Variants in ZNF469 observed in about 807,000 individuals in gnomAD.
ZNF469 encodes zinc finger protein 469.
ZNF469 carries 1 observed loss-of-function variant against 1.0 expected under a neutral mutation model. The observed-to-expected ratio is 1.00, with a 90% confidence interval of 0.35 to 4.73. The LOEUF is 4.73. Ranked by LOEUF, ZNF469 falls within the 30% of genes most tolerant of loss-of-function variation. The probability of loss-of-function intolerance (pLI) is 0.16; values close to 1 mark genes in which losing one functional copy is unlikely to be tolerated. For missense variants in ZNF469, 6,100 were observed against 5,356.3 expected (o/e 1.14, Z -4.33); for synonymous variants, 2,703 against 2,363.4 (o/e 1.14, Z -4.17).
At chr16:88,347,895 G>C in the ZNF469 span, among the ~76,000 whole-genome samples, 1 of 152,262 alleles carries the variant, frequency 6.6e-6, no homozygotes, top group Non-Finnish European at 1.5e-5. Context: ...TGGAGTAGGG[G>C]TGCCCCATGA....
At position 88,430,288 on chromosome 16, in the gene ZNF469, A is replaced by T; in HGVS notation, c.2818A>T (p.Ser940Cys). 6.6e-7 allele frequency: 1 copy of T among 1,514,544 alleles called. No individual in the cohort carries two copies. The highest frequency in any genetic ancestry group is 8.8e-7 in the Non-Finnish European group (1 of 1,133,628). The allele number at this position is 1,514,544 out of a possible 1,614,324, so 93.8% of individuals were successfully genotyped here. A position where few individuals can be genotyped will look rare whatever the true frequency, so the allele number is the denominator to read the frequency against. Residue 940 changes from serine to cysteine, a missense_variant, in exon 3 of 3, where the codon AGC becomes TGC. Transcript: ENST00000565624. Reference protein sequence around the residue: ...GLAPTEADAPSQGRQQRRGKQ... With the variant: ...GLAPTEADAPCQGRQQRRGKQ... The stretch of plus-strand genomic sequence containing the variant: ...GGCCCCCACCGAGGCGGATGCGCCC[A>T]GCCAGGGCAGGCAGCAGAGGAGGGG...
Position 88,440,408 on chromosome 16 carries a change from G to A in ZNF469, c.*1076G>A, listed in dbSNP as rs1906918654. The A allele has an allele frequency of 1.3e-5, 2 of 151,296 alleles. No individual in the cohort carries two copies. Among genetic ancestry groups the A allele is most frequent in the African/African-American group, 4.9e-5 (2 of 41,214 alleles). The allele number at this position is 151,296 out of a possible 1,614,324, so 9.4% of individuals were successfully genotyped here. On this transcript the variant is annotated 3_prime_UTR_variant, in exon 3 of 3. Transcript: ENST00000565624. The stretch of plus-strand genomic sequence containing the variant: ...CACCCTCATGCACCGACCCAACCCA[G>A]GCCTGGGACGCACGTGTCCTCTCAC...
At chr16:88,315,589 C>G in the ZNF469 span, among the ~76,000 whole-genome samples, 2 of 152,166 alleles carry the variant, frequency 1.3e-5, no homozygotes, top group Non-Finnish European at 2.9e-5. Flanking sequence ...GGCCCAGGAG[C>G]TCTCAGGCCT....
At chr16:88,203,564 C>G in the ZNF469 span, among the ~76,000 whole-genome samples, 1 of 152,178 alleles carries the variant, frequency 6.6e-6, no homozygotes, top group East Asian at 1.9e-4. Flanking sequence ...CCCTCTCAGC[C>G]TGGAGACCAA....
rs545008904 is a variant in ZNF469 at position 88,407,285 on chromosome 16, G to A, written c.-191-17522G>A. Among the ~76,000 whole-genome samples, 125 of 108,082 alleles carry A rather than the reference G, an allele frequency of 1.2e-3. 1 individual carries two copies. The highest frequency in any genetic ancestry group is 4.1e-3 in the African/African-American group (100 of 24,414). The allele number at this position is 108,082 out of a possible 152,430, so 70.9% of individuals were successfully genotyped here. A position where few individuals can be genotyped will look rare whatever the true frequency, so the allele number is the denominator to read the frequency against. On this transcript the variant is annotated intron_variant, in intron 1 of 2. Coordinates refer to ENST00000565624, the MANE Select transcript of ZNF469 (RefSeq NM_001367624.2). ...CGTCCACACTTCCAGGGATCCGTCC[G>A]GAACCGTCGCCAGCACCTGCGTGCA...
chr16:88,284,346 AG>A, the ZNF469 span, among the ~76,000 whole-genome samples: 13 of 152,330 alleles, frequency 8.5e-5, no homozygotes, highest in African/African-American at 3.1e-4. Flanking sequence ...AGCCTCCTGA[AG>A]TGGATGGTCT....
chr16:88,247,552 ATGAGTGACTGAG>A, the ZNF469 span, among the ~76,000 whole-genome samples: 55 of 98,188 alleles, frequency 5.6e-4, no homozygotes, highest in African/African-American at 9.6e-4. Context: ...GAGTGAATGA[ATGAGTGACTGAG>A]TGAGTGACTG....
chr16:88,179,315 C>T, the ZNF469 span, among the ~76,000 whole-genome samples: 2 of 152,166 alleles, frequency 1.3e-5, no homozygotes, highest in Non-Finnish European at 2.9e-5. Flanking sequence ...TCAATTAGTT[C>T]CTGCGTGAGC....
At chr16:88,370,420 G>A in the ZNF469 span, among the ~76,000 whole-genome samples, 3 of 152,294 alleles carry the variant, frequency 2.0e-5, no homozygotes, top group East Asian at 1.9e-4. Flanking sequence ...AACAGACAAA[G>A]GTTCCAGAAT....
chr16:88,403,887 C>T (rs1007112861), intron 1 of ZNF469, among the ~76,000 whole-genome samples: 6 of 152,156 alleles, frequency 3.9e-5, no homozygotes, highest in Admixed American at 2.0e-4. Context: ...AAAGCAAATT[C>T]AGGGGTTCCT....
At chr16:88,390,962 C>A (rs959729375) in intron 1 of ZNF469, among the ~76,000 whole-genome samples, 4 of 152,250 alleles carry the variant, frequency 2.6e-5, no homozygotes, top group Non-Finnish European at 5.9e-5. Context: ...AAAGACCCGA[C>A]CCAGGCAGCT....
the ZNF469 span, among the ~76,000 whole-genome samples, chr16:88,251,538 C>CTTTTT: frequency 5.1e-4 from 26 of 51,288 alleles, 4 homozygotes; most frequent in Admixed American, 1.2e-3. Context: ...TCCCTGCTGT[C>CTTTTT]TTTTTTTTTT....
chr16:88,389,030 G>A (rs1157532691), intron 1 of ZNF469, among the ~76,000 whole-genome samples: 2 of 152,238 alleles, frequency 1.3e-5, no homozygotes, highest in East Asian at 1.9e-4. Flanking sequence ...TAAAGCTCTC[G>A]AGTCACATAA....
Position 88,435,920 on chromosome 16 carries a change from G to A in ZNF469, c.8450G>A (p.Cys2817Tyr). 1.3e-6 allele frequency: 2 copies of A among 1,550,030 alleles called. No homozygotes were observed. The highest frequency in any genetic ancestry group is 1.7e-6 in the Non-Finnish European group (2 of 1,146,962). ...SSPADSTTSSCLQGLPDNPDT... is the reference protein window; with the variant it reads ...SSPADSTTSSYLQGLPDNPDT... Reference sequence around the variant, plus strand: ...CCGGCGGACAGCACCACCAGCAGCTGCCTCCAGGGCCTCCCGGACAACCCA... The same window carrying A: ...CCGGCGGACAGCACCACCAGCAGCTACCTCCAGGGCCTCCCGGACAACCCA... The change falls in exon 3 of 3, where the codon TGC becomes TAC. Residue 2817 changes from cysteine (C) to tyrosine (Y), a missense_variant. Transcript: ENST00000565624.
the ZNF469 span, among the ~76,000 whole-genome samples, chr16:88,161,482 T>A: frequency 6.6e-6 from 1 of 152,182 alleles, no homozygotes; most frequent in East Asian, 1.9e-4. Flanking sequence ...TGACACTGAA[T>A]GAAAACACGA....
rs1050233698 is a variant in ZNF469, at chr16:88,383,795, G to A, written c.-192+541G>A. Among the ~76,000 whole-genome samples the A allele has an allele frequency of 2.6e-5, 4 of 152,256 alleles. No homozygotes were observed. The East Asian group carries it at 5.8e-4, about 22-fold the overall frequency. On this transcript the variant is annotated intron_variant, in intron 1 of 2. Transcript: ENST00000565624. ...CGGCGGTGTCAGCGCCCCGGACGGG[G>A]GTGGGAGCTTTGGAGCCCACCCTGG... is the stretch of plus-strand genomic sequence containing the variant.
upstream of ZNF469, among the ~76,000 whole-genome samples, chr16:88,381,132 A>G (rs1006738601): frequency 7.0e-6 from 1 of 142,116 alleles, no homozygotes; most frequent in Non-Finnish European, 1.5e-5. Flanking sequence ...ACACACAGAC[A>G]TGCACTCACA....
In ZNF469 at chr16:88,436,756, G is replaced by C. The variant is rs1906607642; in HGVS notation, c.9286G>C (p.Ala3096Pro). 1 of 1,547,394 alleles carries C rather than the reference G, an allele frequency of 6.5e-7. No homozygotes were observed. Among genetic ancestry groups the C allele is most frequent in the African/African-American group, 1.4e-5 (1 of 73,130 alleles). Residue 3096 changes from alanine (A) to proline (P), a missense_variant, in exon 3 of 3, where the codon GCA becomes CCA. Ala to Pro is a conservative substitution (Grantham distance 27, BLOSUM62 -1). Coordinates refer to ENST00000565624, the MANE Select transcript of ZNF469 (RefSeq NM_001367624.2). ...ACAGAGCCGAAGGACAGAGGAGGCT[G>C]CAGGGGCAGGGAGGGCCCAAGGCAG... Reference protein sequence around the residue: ...GPQSRRTEEAAGAGRAQGRGR... With the variant: ...GPQSRRTEEAPGAGRAQGRGR...
Position 88,428,280 on chromosome 16 carries a change from A to C in ZNF469, c.810A>C (p.Gly270=), listed in dbSNP as rs1473350941. The C allele has an allele frequency of 9.7e-6, 15 of 1,550,196 alleles. No individual in the cohort carries two copies. Among genetic ancestry groups the C allele is most frequent in the Non-Finnish European group, 1.2e-5 (14 of 1,146,932 alleles). ...GCAGGCCCGGCGGCAGCCCCAGGGG[A>C]GTTTCCTTCCAGTTCCCCTTCCCGG... ...KGSRPGGSPR[G]VSFQFPFPAL... is the part of the protein sequence containing the mutation. The change falls in exon 3 of 3, where the codon GGA becomes GGC. Residue 270 remains glycine (G), a synonymous_variant. Transcript: ENST00000565624.
Sources: allele counts gnomAD v4.1 joint callset (sites outside exome capture counted in the v4.1 genomes callset), GRCh38; gene constraint gnomAD v4.1.1; transcripts MANE v1.5; gene names NCBI Gene and HGNC (gene_info 2026-07-23, HGNC 2026-07-21).